The following PPP6R3 variants were observed in gnomAD, a reference collection of about 807,000 sequenced individuals.
The protein encoded by PPP6R3 is protein phosphatase 6 regulatory subunit 3, also known as serine/threonine-protein phosphatase 6 regulatory subunit 3.
Under a neutral mutation model 110.7 loss-of-function variants are expected in PPP6R3, and 38 were observed. The observed-to-expected ratio is 0.34, with a 90% CI of 0.26 to 0.45. The LOEUF is 0.45. PPP6R3 is among the 20% of genes least tolerant of loss of function. The pLI is 1.00. For missense variants in PPP6R3, 870 were observed against 1,062.4 expected (o/e 0.82, Z 2.52); for synonymous variants, 369 against 373.5 (o/e 0.99, Z 0.14).
At chr11:68,509,744 A>ATTTT (rs59022544) in intron 1 of PPP6R3, among the ~76,000 whole-genome samples, 2,258 of 101,986 alleles carry the variant, frequency 0.022, 121 homozygotes, top group African/African-American at 0.055. Flanking sequence ...CATGTGGCTA[A>ATTTT]TTTTTTTTTT....
intron 1 of PPP6R3, among the ~76,000 whole-genome samples, chr11:68,510,421 C>T (rs913132765): frequency 6.6e-6 from 1 of 151,938 alleles, no homozygotes; most frequent in African/African-American, 2.4e-5. Context: ...ACCGTAGCCT[C>T]AACCTCCTGG....
chr11:68,482,240 A>C (rs2098919219), intron 1 of PPP6R3, among the ~76,000 whole-genome samples: 2 of 144,486 alleles, frequency 1.4e-5, no homozygotes, highest in Non-Finnish European at 3.0e-5. Flanking sequence ...AAAAAAAAAA[A>C]CCAAAAAAAC....
chr11:68,487,350 TGAGGTTG>T (rs2098954214), intron 1 of PPP6R3, among the ~76,000 whole-genome samples: 2 of 448 alleles, frequency 4.5e-3, no homozygotes, highest in Non-Finnish European at 7.7e-3. Context: ...CCCAGGAGTA[TGAGGTTG>T]CAGTGAGCTA....
At chr11:68,545,081 C>A (rs2099344321) in intron 4 of PPP6R3, 57 bp downstream of exon 4, 11 of 1,323,402 alleles carry the variant, frequency 8.3e-6, no homozygotes, top group South Asian at 1.5e-5. Flanking sequence ...TTGAGGTGAT[C>A]CCCCAGTACT....
intron 1 of PPP6R3, among the ~76,000 whole-genome samples, chr11:68,501,312 A>G (rs141463129): frequency 6.6e-6 from 1 of 152,356 alleles, no homozygotes; most frequent in African/African-American, 2.4e-5. Context: ...AACCCTGCAC[A>G]TTGAAGAAGT....
At chr11:68,479,413 C>G (rs2098882451) in intron 1 of PPP6R3, among the ~76,000 whole-genome samples, 2 of 152,088 alleles carry the variant, frequency 1.3e-5, no homozygotes, top group African/African-American at 4.8e-5. Context: ...GATTTTGGAG[C>G]ATTTCTGATT....
chr11:68,519,469 T>G (rs985387066), intron 1 of PPP6R3, 32 bp from the exon 2 acceptor site: 1 of 396,220 alleles, frequency 2.5e-6, no homozygotes, highest in Non-Finnish European at 4.4e-6. Flanking sequence ...AGAGAACATA[T>G]GTGATTATCT....
intron 2 of PPP6R3, among the ~76,000 whole-genome samples, chr11:68,526,097 TCTC>T (rs1184713872): frequency 6.6e-6 from 1 of 152,186 alleles, no homozygotes; most frequent in Non-Finnish European, 1.5e-5. Context: ...TGTTTCCTAC[TCTC>T]CTCCAGTTAC....
At chr11:68,526,883 T>A (rs2153600664) in intron 2 of PPP6R3, among the ~76,000 whole-genome samples, 1 of 152,354 alleles carries the variant, frequency 6.6e-6, no homozygotes, top group East Asian at 1.9e-4. Flanking sequence ...GAGGAACACG[T>A]TACTGTAGTT....
intron 10 of PPP6R3, among the ~76,000 whole-genome samples, chr11:68,569,318 C>A (rs1159831321): frequency 6.6e-6 from 1 of 152,180 alleles, no homozygotes; most frequent in African/African-American, 2.4e-5. Flanking sequence ...TTCCAAGACT[C>A]CTTTGGATGC....
At chr11:68,492,618 T>G (rs1048365719) in intron 1 of PPP6R3, among the ~76,000 whole-genome samples, 2 of 152,224 alleles carry the variant, frequency 1.3e-5, no homozygotes. Context: ...CTCAGGTCTT[T>G]AGGGTATATA....
rs910416020 is a variant in PPP6R3, at chr11:68,556,838, G to A, written c.732-1728G>A. ...GTTTAGGTAAAACTCAGAAGATGGC[G>A]TAGCTATTGTGGTATTGTATTTTGA... On this transcript the variant is annotated intron_variant, in intron 7 of 23. Transcript: ENST00000393800. Among the ~76,000 whole-genome samples, 8 of 152,336 alleles carry A rather than the reference G, an allele frequency of 5.3e-5. No homozygotes were observed. The South Asian group carries it at 1.4e-3, about 28-fold the overall frequency.
chr11:68,509,188 A>C (rs1030542148), intron 1 of PPP6R3, among the ~76,000 whole-genome samples: 4 of 152,178 alleles, frequency 2.6e-5, no homozygotes, highest in African/African-American at 7.2e-5. Context: ...CCCCGTTTTC[A>C]CCTTTAGTGT....
intron 8 of PPP6R3, among the ~76,000 whole-genome samples, 174 bp downstream of exon 8, chr11:68,558,853 AGTTGAAAATTAT>A (rs758260571): frequency 5.3e-5 from 8 of 152,246 alleles, no homozygotes. Context: ...ATTGGGATGC[AGTTGAAAATTAT>A]GTTTTGGTGA....
At chr11:68,602,620 G>C (rs776558440) in intron 21 of PPP6R3, among the ~76,000 whole-genome samples, 1 of 152,038 alleles carries the variant, frequency 6.6e-6, no homozygotes, top group Non-Finnish European at 1.5e-5. Context: ...TTTGGTAGAG[G>C]GTGTGAGAAC....
chr11:68,542,959 G>GT lies in PPP6R3; in HGVS notation c.228-1876dup, dbSNP rs113022269. ...TTTACTGATCTTCTGTTTGTCAGCA[G>GT]TTTCCACATTAAGACAGTTGAGTGA... On this transcript the variant is annotated intron_variant, in intron 3 of 23. Coordinates refer to ENST00000393800, the MANE Select transcript of PPP6R3 (RefSeq NM_001164161.2). Among the ~76,000 whole-genome samples, 7 of 152,234 alleles carry GT rather than the reference G, an allele frequency of 4.6e-5. 2 individuals are homozygous for GT. Among genetic ancestry groups the GT allele is most frequent in the African/African-American group, 1.7e-4 (7 of 41,540 alleles).
intron 1 of PPP6R3, among the ~76,000 whole-genome samples, chr11:68,464,281 G>A (rs2098730073): frequency 6.6e-6 from 1 of 152,000 alleles, no homozygotes; most frequent in African/African-American, 2.4e-5. Context: ...ACAGGCACCC[G>A]CCACCATGCC....
rs1357403852 is a variant in PPP6R3, at chr11:68,524,673, A to C, written c.-7+5022A>C. Among the ~76,000 whole-genome samples the C allele has an allele frequency of 2.6e-5, 4 of 152,096 alleles. No homozygotes were observed. In the East Asian group the frequency reaches 7.7e-4, roughly 29 times the overall value. On this transcript the variant is annotated intron_variant, in intron 2 of 23. Transcript: ENST00000393800. ...GTTTTTCAGTTTTTGTCTGAAAAGG[A>C]CTTTATATTCATTCATGTTAAATAA...
At chr11:68,512,940 C>T (rs189788475) in intron 1 of PPP6R3, among the ~76,000 whole-genome samples, 31 of 152,196 alleles carry the variant, frequency 2.0e-4, no homozygotes, top group East Asian at 5.8e-4. Flanking sequence ...GAGTGGGCTG[C>T]GGGGAAGATC....
Sources: allele counts gnomAD v4.1 joint callset (sites outside exome capture counted in the v4.1 genomes callset), GRCh38; gene constraint gnomAD v4.1.1; transcripts MANE v1.5; gene names NCBI Gene and HGNC (gene_info 2026-07-23, HGNC 2026-07-21).